RGS10: variants seen among roughly 807,000 people sequenced by gnomAD.
RGS10 encodes the protein regulator of G protein signaling 10, also known as regulator of G-protein signalling 10.
Under a neutral mutation model 23.5 loss-of-function variants are expected in RGS10, and 11 were observed. The observed-to-expected ratio is 0.47, with a 90% CI of 0.29 to 0.77. RGS10 has a LOEUF of 0.77. Ranked by LOEUF, RGS10 falls within the 30% of genes least tolerant of loss-of-function variation. RGS10 has a pLI of 0.08. For synonymous variants in RGS10, 77 were observed against 83.2 expected (o/e 0.92, Z 0.41); for missense variants, 180 against 226.3 (o/e 0.80, Z 1.31).
intron 3 of RGS10, among the ~76,000 whole-genome samples, chr10:119,521,922 A>AC (rs1844223047): frequency 6.6e-6 from 1 of 151,614 alleles, no homozygotes; most frequent in South Asian, 2.1e-4. Context: ...TACCTGCCAG[A>AC]CCCCCCTTCT....
Position 119,526,087 on chromosome 10 carries a change from T to C in RGS10, c.200A>G (p.Asn67Ser), listed in dbSNP as rs1844269886. 1 of 1,579,128 alleles carries C rather than the reference T, an allele frequency of 6.3e-7. No homozygotes were observed. Among genetic ancestry groups the C allele is most frequent in the East Asian group, 2.3e-5 (1 of 44,138 alleles). ...EFLKKEFSEE[N>S]VLFWLACEDF... is the part of the protein sequence containing the mutation. ...TTCACATGCTAGCCAAAACAAAACA[T>C]TTTCTTCACTGAATTCCTTTTTTAA... The change falls in exon 3 of 5, where the codon AAT (asparagine) becomes AGT (serine). Residue 67 changes from asparagine to serine, a missense_variant. By Grantham distance (46) the Asn-to-Ser change is conservative (BLOSUM62 1). Transcript: ENST00000369103.
At chr10:119,514,076 C>T (rs532335977) in intron 4 of RGS10, among the ~76,000 whole-genome samples, 21 of 152,358 alleles carry the variant, frequency 1.4e-4, no homozygotes, top group African/African-American at 5.0e-4. Context: ...GTAGTTAGGG[C>T]CAGGCGTGGT....
intron 4 of RGS10, among the ~76,000 whole-genome samples, chr10:119,504,862 C>T (rs2133944826): frequency 6.6e-6 from 1 of 152,308 alleles, no homozygotes; most frequent in South Asian, 2.1e-4. Context: ...CCACCAGAGT[C>T]TTGTGGAGAA....
Position 119,517,878 on chromosome 10 carries a change from G to T in RGS10, c.256-2226C>A, listed in dbSNP as rs1844164212. Among the ~76,000 whole-genome samples the T allele has an allele frequency of 6.6e-6, 1 of 152,184 alleles. No individual in the cohort carries two copies. Among genetic ancestry groups the T allele is most frequent in the Non-Finnish European group, 1.5e-5 (1 of 68,034 alleles). ...TCAGCCCTGCCCTCTTCCACCGGCT[G>T]TCCCTCCTGAGTCTGCGTGAGAACA... On this transcript the variant is annotated intron_variant, in intron 3 of 4. Coordinates refer to ENST00000369103, the MANE Select transcript of RGS10 (RefSeq NM_001005339.2). This position sits in a 1 kb window ranked among gnomAD's most constrained non-coding sequence, Gnocchi z 5.0.
intron 4 of RGS10, among the ~76,000 whole-genome samples, chr10:119,509,583 C>G (rs899806838): frequency 1.3e-5 from 2 of 151,948 alleles, no homozygotes; most frequent in Admixed American, 6.6e-5. Flanking sequence ...AGAGTGAGAC[C>G]CTGCCTCAAA....
chr10:119,515,777 C>A, intron 3 of RGS10, 125 bp from the exon 4 acceptor site: 2 of 1,084,946 alleles, frequency 1.8e-6, no homozygotes, highest in East Asian at 2.5e-5. Flanking sequence ...CCCCACAGCC[C>A]AGGGGCTCTC....
chr10:119,539,159 G>A (rs962338442), intron 1 of RGS10, among the ~76,000 whole-genome samples: 2 of 152,148 alleles, frequency 1.3e-5, no homozygotes, highest in Non-Finnish European at 2.9e-5. Context: ...AAGGCCCTTC[G>A]GCTGGCCCCT....
intron 4 of RGS10, among the ~76,000 whole-genome samples, chr10:119,502,914 C>A (rs1435065951): frequency 6.6e-6 from 1 of 152,176 alleles, no homozygotes; most frequent in South Asian, 2.1e-4. Flanking sequence ...AGGATGTCGC[C>A]CCCAAAGCCC....
intron 4 of RGS10, among the ~76,000 whole-genome samples, chr10:119,503,956 A>C (rs928395657): frequency 5.9e-5 from 9 of 152,234 alleles, no homozygotes; most frequent in African/African-American, 1.7e-4. Context: ...AGGGGAGCAC[A>C]GTTCAGCCCA....
At chr10:119,511,947 G>C (rs924177457) in intron 4 of RGS10, among the ~76,000 whole-genome samples, 2 of 152,202 alleles carry the variant, frequency 1.3e-5, no homozygotes, top group Non-Finnish European at 2.9e-5. Context: ...AGAACTGTGT[G>C]CAAACCAAGA....
At chr10:119,534,848 C>T (rs1267007780) in intron 1 of RGS10, among the ~76,000 whole-genome samples, 6 of 152,046 alleles carry the variant, frequency 3.9e-5, no homozygotes, top group Non-Finnish European at 8.8e-5. Flanking sequence ...CGAGATCAAG[C>T]CACTGCACTC....
chr10:119,525,603 G>A (rs193218145), intron 3 of RGS10, among the ~76,000 whole-genome samples: 4 of 152,306 alleles, frequency 2.6e-5, no homozygotes, highest in East Asian at 3.9e-4. Flanking sequence ...CAGGATGCTC[G>A]CCAACTATGG....
In RGS10 at chr10:119,527,537, A is replaced by AC. The variant is rs563822196; in HGVS notation, c.50-114_50-113insG. On this transcript the variant is annotated intron_variant, in intron 1 of 4. Coordinates refer to ENST00000369103, the MANE Select transcript of RGS10 (RefSeq NM_001005339.2). The surrounding 1 kb of genome is among the most constrained non-coding windows in gnomAD (Gnocchi z 4.2). ...CATCACGGCTGACATACACCGACTT[A>AC]TGCGTCAGGCTCTGTTCTAGGTGCT... The AC allele has an allele frequency of 4.4e-4, 347 of 785,154 alleles. 1 individual carries two copies. The African/African-American group carries it at 5.2e-3, about 12-fold the overall frequency. The allele number at this position is 785,154 out of a possible 1,614,324, so 48.6% of individuals were successfully genotyped here.
At chr10:119,508,887 A>G (rs1310392509) in intron 4 of RGS10, among the ~76,000 whole-genome samples, 2 of 152,226 alleles carry the variant, frequency 1.3e-5, no homozygotes, top group African/African-American at 4.8e-5. Flanking sequence ...GCTTGAGCCC[A>G]GGAGTTCAAG....
At chr10:119,500,526 CA>C (rs1175072435) in intron 4 of RGS10, among the ~76,000 whole-genome samples, 1 of 151,906 alleles carries the variant, frequency 6.6e-6, no homozygotes, top group Non-Finnish European at 1.5e-5. Flanking sequence ...ATTCACACAG[CA>C]CTGATTCAGA....
chr10:119,516,624 C>T (rs1257085626), intron 3 of RGS10: 2 of 152,250 alleles, frequency 1.3e-5, no homozygotes, highest in Admixed American at 6.5e-5. Flanking sequence ...AGAAAACACT[C>T]GCTGCCCGCC....
chr10:119,537,131 G>A (rs767597189), intron 1 of RGS10, among the ~76,000 whole-genome samples: 4 of 152,154 alleles, frequency 2.6e-5, no homozygotes, highest in African/African-American at 9.7e-5. Context: ...GGTGGCTCAC[G>A]CCTGTAATCC....
chr10:119,541,264 C>T (rs1369951794), intron 1 of RGS10, among the ~76,000 whole-genome samples: 2 of 152,192 alleles, frequency 1.3e-5, no homozygotes, highest in Admixed American at 6.5e-5. Flanking sequence ...ACATTAACAC[C>T]CACAAGGGAA....
chr10:119,501,486 G>A (rs1279602721), intron 4 of RGS10, among the ~76,000 whole-genome samples: 2 of 152,192 alleles, frequency 1.3e-5, no homozygotes, highest in African/African-American at 4.8e-5. Flanking sequence ...ACTTTGGGAG[G>A]TGGAGGCAGG....
Sources: gnomAD v4.1 joint callset for allele counts (sites outside exome capture counted in the v4.1 genomes callset) on GRCh38, gnomAD v4.1.1 for gene constraint, Gnocchi (gnomAD v3.1) non-coding constraint, MANE v1.5 for transcripts, NCBI Gene and HGNC (gene_info 2026-07-23, HGNC 2026-07-21) for gene names.